Variants in STK33 observed in about 807,000 individuals in gnomAD.
STK33 encodes serine/threonine-protein kinase 33.
STK33 carries 52 observed loss-of-function variants against 58.0 expected under a neutral mutation model. That is an observed-to-expected ratio of 0.90 (90% CI 0.72 to 1.13). STK33 has a LOEUF of 1.13. Among genes scored for constraint, STK33 ranks in the 50% most tolerant of loss-of-function variants. STK33 has a pLI of 0.00. For synonymous variants in STK33, 215 were observed against 200.1 expected, an observed-to-expected ratio of 1.07 and a Z score of -0.63; for missense variants, 630 against 604.2, an observed-to-expected ratio of 1.04 and a Z score of -0.45.
intron 15 of STK33, among the ~76,000 whole-genome samples, chr11:8,402,079 T>C (rs1262412648): frequency 4.6e-5 from 7 of 152,156 alleles, no homozygotes; most frequent in Non-Finnish European, 7.4e-5. Flanking sequence ...GGATCTAGAA[T>C]TAGAATTACC....
intron 1 of STK33, among the ~76,000 whole-genome samples, chr11:8,556,839 T>A (rs1956774379): frequency 1.3e-5 from 2 of 152,200 alleles, no homozygotes; most frequent in Admixed American, 1.3e-4. Context: ...ATATTTGTTC[T>A]ATGAAGAATG....
intron 1 of STK33, among the ~76,000 whole-genome samples, chr11:8,499,008 G>A (rs1222117148): frequency 6.6e-6 from 1 of 152,168 alleles, no homozygotes; most frequent in Non-Finnish European, 1.5e-5. Context: ...ATACCATTCA[G>A]GACATAGGCA....
chr11:8,464,872 T>C, intron 6 of STK33, 50 bp from the exon 7 acceptor site: 2 of 1,249,506 alleles, frequency 1.6e-6, no homozygotes, highest in Admixed American at 1.9e-5. Context: ...TCATCAGCTA[T>C]TAAAAATGAA....
chr11:8,521,504 A>T lies in STK33; in HGVS notation c.-465-40890T>A, dbSNP rs1953430777. Among the ~76,000 whole-genome samples the T allele has an allele frequency of 2.6e-5, 4 of 152,324 alleles. No individual in the cohort carries two copies. In the South Asian group the frequency reaches 8.3e-4, roughly 32 times the overall value. ...GATGGAGTAAAGACTTAAATGTTAGACCTAAAACCATAAAAACCCTAGAAG... is the reference window on the plus strand; with the variant it reads ...GATGGAGTAAAGACTTAAATGTTAGTCCTAAAACCATAAAAACCCTAGAAG... On this transcript the variant is annotated intron_variant, in intron 1 of 15. Coordinates refer to ENST00000687296, the MANE Select transcript of STK33 (RefSeq NM_001352389.2).
intron 1 of STK33, among the ~76,000 whole-genome samples, chr11:8,492,294 A>T: frequency 6.8e-6 from 1 of 146,360 alleles, no homozygotes; most frequent in East Asian, 2.0e-4. Flanking sequence ...AGGGGTTGCA[A>T]TCCTAGTCTC....
At chr11:8,489,909 C>T (rs1433906288) in intron 1 of STK33, among the ~76,000 whole-genome samples, 1 of 151,866 alleles carries the variant, frequency 6.6e-6, no homozygotes, top group Non-Finnish European at 1.5e-5. Flanking sequence ...GTTTGAGGGA[C>T]AAAAAGTAAA....
the STK33 span, among the ~76,000 whole-genome samples, chr11:8,356,533 A>T: frequency 6.8e-6 from 1 of 147,274 alleles, no homozygotes; most frequent in South Asian, 2.2e-4. Context: ...AAAGAAGACC[A>T]GTGGTGGGGG....
chr11:8,390,501 A>G (rs1848605558), downstream of STK33, among the ~76,000 whole-genome samples: 1 of 152,220 alleles, frequency 6.6e-6, no homozygotes, highest in South Asian at 2.1e-4. Flanking sequence ...ATCTGTTGGA[A>G]ACAAAGCTCA....
intron 14 of STK33, among the ~76,000 whole-genome samples, chr11:8,418,570 C>A (rs541808782): frequency 1.2e-4 from 18 of 152,220 alleles, no homozygotes; most frequent in African/African-American, 3.6e-4. Context: ...GTGTTTATGG[C>A]AGACTGATTT....
the STK33 span, among the ~76,000 whole-genome samples, chr11:8,363,945 CACTT>C: frequency 6.6e-6 from 1 of 152,220 alleles, no homozygotes; most frequent in Non-Finnish European, 1.5e-5. Context: ...CTGGTCGTGT[CACTT>C]ACAATACAGG....
chr11:8,575,316 A>G (rs1433377382), intron 1 of STK33, among the ~76,000 whole-genome samples: 1 of 152,234 alleles, frequency 6.6e-6, no homozygotes, highest in Non-Finnish European at 1.5e-5. Context: ...CACTCACTGC[A>G]GCATTATTTA....
At chr11:8,474,258 G>A in intron 5 of STK33, among the ~76,000 whole-genome samples, 1 of 151,592 alleles carries the variant, frequency 6.6e-6, no homozygotes, top group African/African-American at 2.4e-5. Flanking sequence ...AACTGATTTT[G>A]TAAAGTATAG....
intron 1 of STK33, among the ~76,000 whole-genome samples, chr11:8,493,793 A>G (rs1445013678): frequency 2.0e-5 from 3 of 152,230 alleles, no homozygotes; most frequent in Admixed American, 6.5e-5. Context: ...CTGGTTCAAC[A>G]TACCCAAATC....
chr11:8,498,391 AG>A (rs1341611853), intron 1 of STK33, among the ~76,000 whole-genome samples: 2 of 152,218 alleles, frequency 1.3e-5, no homozygotes, highest in Admixed American at 6.5e-5. Context: ...GGGGATGTGA[AG>A]GACCTCTTCA....
chr11:8,481,958 A>G (rs1949838735), intron 1 of STK33, among the ~76,000 whole-genome samples: 1 of 152,200 alleles, frequency 6.6e-6, no homozygotes. Context: ...TTGCAGACAG[A>G]GTAACTAACA....
chr11:8,567,575 C>A (rs886763078), intron 1 of STK33, among the ~76,000 whole-genome samples: 1 of 152,150 alleles, frequency 6.6e-6, no homozygotes, highest in African/African-American at 2.4e-5. Context: ...TCCCATTTCC[C>A]AAAATATATG....
At chr11:8,441,526 T>G (rs1944744118) in intron 11 of STK33, among the ~76,000 whole-genome samples, 2 of 152,044 alleles carry the variant, frequency 1.3e-5, no homozygotes, top group Non-Finnish European at 2.9e-5. Context: ...TAATTGTTTT[T>G]TAAAAATTAT....
the STK33 span, among the ~76,000 whole-genome samples, chr11:8,359,467 G>A: frequency 1.3e-5 from 2 of 152,208 alleles, no homozygotes; most frequent in Admixed American, 1.3e-4. Flanking sequence ...GCAGGGAGAG[G>A]TGCTGGTCTA....
chr11:8,457,370 G>A lies in STK33; in HGVS notation c.668C>T (p.Ala223Val). 1.2e-6 allele frequency: 2 copies of A among 1,604,902 alleles called. No individual in the cohort carries two copies. The highest frequency in any genetic ancestry group is 1.7e-6 in the Non-Finnish European group (2 of 1,173,568). Residue 223 changes from alanine (A) to valine (V), a missense_variant, in exon 9 of 16, where the codon GCA becomes GTA. Transcript: ENST00000687296. ...ATTGTGAAGATATGCTATAGCTGATGCGAGACTTTGAATGATCCACCTTGT... is the reference window on the plus strand; with the variant it reads ...ATTGTGAAGATATGCTATAGCTGATACGAGACTTTGAATGATCCACCTTGT... ...NETRWIIQSL[A>V]SAIAYLHNND...
Sources: gnomAD v4.1 joint callset for allele counts (sites outside exome capture counted in the v4.1 genomes callset) on GRCh38, gnomAD v4.1.1 for gene constraint, MANE v1.5 for transcripts, NCBI Gene and HGNC (gene_info 2026-07-23, HGNC 2026-07-21) for gene names.